DMD: variants seen among roughly 807,000 people sequenced by gnomAD.
The protein encoded by DMD is mutant dystrophin.
Under a neutral mutation model 330.1 loss-of-function variants are expected in DMD, and 63 were observed. The observed-to-expected ratio is 0.19, with a 90% CI of 0.16 to 0.24. The LOEUF is 0.24. DMD is among the 10% of genes least tolerant of loss of function. The pLI is 1.00. For synonymous variants in DMD, 1,223 were observed against 959.8 expected, an observed-to-expected ratio of 1.27 and a Z score of -5.07; for missense variants, 3,344 against 2,684.1, an observed-to-expected ratio of 1.25 and a Z score of -5.43.
intron 45 of DMD, among the ~76,000 whole-genome samples, chrX:31,933,917 A>T (rs979660795): frequency 2.7e-5 from 3 of 110,061 alleles, no homozygotes; most frequent in Non-Finnish European, 5.7e-5. Flanking sequence ...ATAGTACTTT[A>T]GATGGACATT....
At chrX:31,541,132 C>T (rs1191492190) in intron 55 of DMD, among the ~76,000 whole-genome samples, 1 of 111,396 alleles carries the variant, frequency 9.0e-6, no homozygotes, top group Non-Finnish European at 1.9e-5. Context: ...TAGGTAGCTA[C>T]CGAGCAATTG....
At chrX:33,226,020 C>T (rs1423171079) in intron 1 of DMD, among the ~76,000 whole-genome samples, 2 of 111,155 alleles carry the variant, frequency 1.8e-5, no homozygotes, top group African/African-American at 3.3e-5. Context: ...AACCTCAATA[C>T]GATATAACTC....
At chrX:32,649,426 G>T (rs902530409) in intron 9 of DMD, among the ~76,000 whole-genome samples, 3 of 108,700 alleles carry the variant, frequency 2.8e-5, no homozygotes, top group African/African-American at 1.0e-4. Context: ...CGGTGGCGGC[G>T]CCTGTAGTCC....
In DMD at chrX:32,056,600, G is replaced by A. The variant is rs775818600; in HGVS notation, c.6439-88086C>T. Reference sequence around the variant, plus strand: ...AAGAAATAGAAAATCTGAGTAGGCCGAAACTAGTAAGGAGATTGAATCAGT... The same window carrying A: ...AAGAAATAGAAAATCTGAGTAGGCCAAAACTAGTAAGGAGATTGAATCAGT... On this transcript the variant is annotated intron_variant, in intron 44 of 78. Coordinates refer to ENST00000357033, the MANE Select transcript of DMD (RefSeq NM_004006.3). Among the ~76,000 whole-genome samples, 123 of 110,323 alleles carry A rather than the reference G, an allele frequency of 1.1e-3. 1 individual carries two copies. Among genetic ancestry groups the A allele is most frequent in the African/African-American group, 3.9e-3 (118 of 30,512 alleles).
intron 44 of DMD, among the ~76,000 whole-genome samples, chrX:32,191,799 T>C (rs758662343): frequency 3.6e-5 from 4 of 112,201 alleles, no homozygotes; most frequent in Non-Finnish European, 7.5e-5. Flanking sequence ...TATTACATTG[T>C]ACTGTTTAGG....
chrX:31,701,576 T>G (rs1419166126), intron 52 of DMD, among the ~76,000 whole-genome samples: 1 of 111,873 alleles, frequency 8.9e-6, no homozygotes, highest in Non-Finnish European at 1.9e-5. Flanking sequence ...CTCCTATGTC[T>G]TCAATCTCCG....
intron 61 of DMD, among the ~76,000 whole-genome samples, chrX:31,330,524 G>C (rs948968558): frequency 8.9e-6 from 1 of 111,778 alleles, no homozygotes; most frequent in African/African-American, 3.3e-5. Context: ...AAGCATTTGA[G>C]AAGTTGTGTA....
chrX:32,878,242 G>T (rs189091082), intron 2 of DMD, among the ~76,000 whole-genome samples: 1,614 of 110,695 alleles, frequency 0.015, 31 homozygotes, highest in African/African-American at 0.051. Flanking sequence ...GCCGGGTGTA[G>T]TGGCGGGCGC....
At chrX:31,836,641 C>T (rs1161793224) in intron 49 of DMD, 77 bp downstream of exon 49, 6 of 823,209 alleles carry the variant, frequency 7.3e-6, no homozygotes, top group Non-Finnish European at 9.2e-6. Flanking sequence ...AAATAGTCCA[C>T]GTCAATGGCA....
chrX:33,179,650 C>T (rs1238832858), intron 1 of DMD, among the ~76,000 whole-genome samples: 15 of 105,221 alleles, frequency 1.4e-4, no homozygotes, highest in African/African-American at 1.7e-4. Context: ...GCCGAGATCG[C>T]GCCACTGCAC....
rs897074507 is a variant in DMD, at chrX:32,066,792, G to A, written c.6439-98278C>T. Among the ~76,000 whole-genome samples the A allele has an allele frequency of 8.1e-5, 9 of 111,442 alleles. No homozygotes were observed. In the East Asian group the frequency reaches 8.5e-4, roughly 11 times the overall value. ...ATTACTTCTGTGCGCACAAACTAAT[G>A]CTAACATTTTTCGGATGCACAAAAC... is the stretch of plus-strand genomic sequence containing the variant. On this transcript the variant is annotated intron_variant, in intron 44 of 78. Transcript: ENST00000357033.
rs750462245 is a variant in DMD at position 32,190,467 on chromosome X, T to C, written c.6438+26449A>G. On this transcript the variant is annotated intron_variant, in intron 44 of 78. Transcript: ENST00000357033. ...GTGAATAGTGGATAACTTAAAGTTT[T>C]ATAGTGTATACATGGGACTTGTCAA... 3.9e-5 allele frequency among the ~76,000 whole-genome samples: 4 copies of C among 103,848 alleles called. No individual in the cohort carries two copies. The South Asian group carries it at 1.3e-3, about 34-fold the overall frequency. 90.2% of individuals were successfully genotyped at this position (103,848 alleles called of 115,157 possible).
chrX:32,363,068 A>AAG (rs1033153585), intron 36 of DMD, 110 bp from the exon 37 acceptor site: 2 of 745,780 alleles, frequency 2.7e-6, no homozygotes, highest in Non-Finnish European at 2.0e-6. Context: ...AAGAGTGAGA[A>AAG]AGAGAGAGAG....
At chrX:33,234,656 A>G (rs938595404) in intron 1 of DMD, among the ~76,000 whole-genome samples, 16 of 111,937 alleles carry the variant, frequency 1.4e-4, no homozygotes, top group African/African-American at 5.2e-4. Context: ...ACATGATTCA[A>G]TGAACAGCAG....
intron 43 of DMD, among the ~76,000 whole-genome samples, chrX:32,244,326 T>G (rs2097222112): frequency 2.0e-5 from 2 of 98,036 alleles, no homozygotes; most frequent in Non-Finnish European, 4.1e-5. Flanking sequence ...TTCCATGGTG[T>G]ATATGTGCCA....
At chrX:33,152,106 A>G (rs2048306333) in intron 1 of DMD, among the ~76,000 whole-genome samples, 1 of 110,804 alleles carries the variant, frequency 9.0e-6, no homozygotes, top group Non-Finnish European at 1.9e-5. Context: ...TTTAAGTATT[A>G]TTAGTAGGTG....
intron 44 of DMD, among the ~76,000 whole-genome samples, chrX:32,141,578 T>A (rs1449003848): frequency 9.0e-6 from 1 of 111,476 alleles, no homozygotes; most frequent in Admixed American, 9.5e-5. Context: ...TCTCCTTTGC[T>A]CTCTGTGCCT....
At chrX:33,247,172 G>T (rs2052679555) in intron 1 of DMD, among the ~76,000 whole-genome samples, 1 of 111,767 alleles carries the variant, frequency 8.9e-6, no homozygotes, top group South Asian at 3.7e-4. Context: ...CACATCACAT[G>T]TAGTTAAACT....
At chrX:32,635,293 C>T (rs1356219907) in intron 11 of DMD, among the ~76,000 whole-genome samples, 1 of 111,150 alleles carries the variant, frequency 9.0e-6, no homozygotes, top group Non-Finnish European at 1.9e-5. Flanking sequence ...TGATACAACC[C>T]AAAAACCAGG....
Sources: gnomAD v4.1 joint callset for allele counts (sites outside exome capture counted in the v4.1 genomes callset) on GRCh38, gnomAD v4.1.1 for gene constraint, MANE v1.5 for transcripts, NCBI Gene and HGNC (gene_info 2026-07-23, HGNC 2026-07-21) for gene names.